The following SLC4A1AP variants were observed in gnomAD, a reference collection of about 807,000 sequenced individuals.
SLC4A1AP encodes the protein kanadaptin.
SLC4A1AP carries 64 observed loss-of-function variants against 89.7 expected under a neutral mutation model. The observed-to-expected ratio is 0.71, with a 90% confidence interval of 0.58 to 0.88. The LOEUF (loss-of-function observed/expected upper bound fraction) is 0.88, where lower values mean the gene tolerates loss of function less well. Ranked by LOEUF, SLC4A1AP falls within the 40% of genes least tolerant of loss-of-function variation. The pLI is 0.00. For synonymous variants in SLC4A1AP, 366 were observed against 353.3 expected (o/e 1.04, Z -0.40); for missense variants, 931 against 965.0 (o/e 0.96, Z 0.47).
At chr2:27,682,414 A>T in intron 9 of SLC4A1AP, 55 bp downstream of exon 9, 1 of 1,107,986 alleles carries the variant, frequency 9.0e-7, no homozygotes, top group Admixed American at 2.1e-5. Context: ...CCCTGAGCTA[A>T]TTTTTCTCTT....
At chr2:27,668,996 C>T in intron 4 of SLC4A1AP, 93 bp downstream of exon 4, 1 of 1,280,280 alleles carries the variant, frequency 7.8e-7, no homozygotes, top group Non-Finnish European at 1.1e-6. Flanking sequence ...GAGTAACTTT[C>T]ATCTAAGTTT....
intron 5 of SLC4A1AP, among the ~76,000 whole-genome samples, chr2:27,669,777 G>A (rs548044403): frequency 1.3e-5 from 2 of 152,162 alleles, no homozygotes; most frequent in South Asian, 2.1e-4. Context: ...TGCAACTTCC[G>A]TCTCCCAGGT....
At chr2:27,669,375 C>G in exon 5 of SLC4A1AP, 4 of 1,609,464 alleles carry the variant, frequency 2.5e-6, no homozygotes, top group Non-Finnish European at 2.5e-6. Context: ...GGGATTGCTT[C>G]GGCAGGAAGC....
intron 1 of SLC4A1AP, 79 bp downstream of exon 1, chr2:27,664,656 G>A (rs569080952): frequency 1.3e-5 from 15 of 1,117,572 alleles, no homozygotes; most frequent in Non-Finnish European, 1.9e-5. Flanking sequence ...GGATGAGGAA[G>A]AAGAATCTCC....
intron 3 of SLC4A1AP, among the ~76,000 whole-genome samples, chr2:27,668,440 G>A (rs554540080): frequency 6.6e-6 from 1 of 151,868 alleles, no homozygotes; most frequent in Non-Finnish European, 1.5e-5. Flanking sequence ...GTGAGCCACC[G>A]CGCCCAGCCA....
intron 10 of SLC4A1AP, among the ~76,000 whole-genome samples, chr2:27,686,390 T>A (rs1371729936): frequency 6.6e-6 from 1 of 152,338 alleles, no homozygotes; most frequent in South Asian, 2.1e-4. Flanking sequence ...AGTATCATAA[T>A]TTTTTTGTTT....
chr2:27,680,838 T>TAAA (rs766818052), intron 8 of SLC4A1AP, among the ~76,000 whole-genome samples: 2 of 128,266 alleles, frequency 1.6e-5, no homozygotes, highest in Non-Finnish European at 3.4e-5. Context: ...CAAGAAGAAT[T>TAAA]AAAAAAAAAA....
chr2:27,691,836 C>T (rs1675793203), intron 12 of SLC4A1AP: 1 of 152,144 alleles, frequency 6.6e-6, no homozygotes, highest in African/African-American at 2.4e-5. Context: ...GCGATCTGCC[C>T]ACCCCAGCCT....
At chr2:27,668,730 G>A (rs1241522666) in intron 3 of SLC4A1AP, 113 bp from the exon 4 acceptor site, 3 of 978,662 alleles carry the variant, frequency 3.1e-6, no homozygotes, top group East Asian at 4.8e-5. Context: ...GATTACAGGC[G>A]TGAGCCACTG....
chr2:27,663,967 G>T (rs1479711097), exon 1 of SLC4A1AP: 1 of 1,614,212 alleles, frequency 6.2e-7, no homozygotes, highest in Admixed American at 1.7e-5. Flanking sequence ...GACCTCAGTG[G>T]GGACTTCAAG....
Position 27,665,288 on chromosome 2 carries a change from G to A in SLC4A1AP, c.1014G>A (p.Trp338Ter). ...AAGATGATGAGATGGGTTGCACCTGGGGAATGGGTAAGAAATTAAAATTGC... is the reference window on the plus strand; with the variant it reads ...AAGATGATGAGATGGGTTGCACCTGAGGAATGGGTAAGAAATTAAAATTGC... The change falls in exon 2 of 14, where the codon TGG becomes TGA. Residue 338 changes from tryptophan to a stop codon, truncating the protein, a stop_gained. Transcript: ENST00000613058. LOFTEE classifies it high-confidence loss of function. 1 of 1,598,228 alleles carries A rather than the reference G, an allele frequency of 6.3e-7. No individual in the cohort carries two copies. The highest frequency in any genetic ancestry group is 8.5e-7 in the Non-Finnish European group (1 of 1,173,398).
At chr2:27,684,558 T>C (rs1179253045) in intron 9 of SLC4A1AP, among the ~76,000 whole-genome samples, 1 of 152,254 alleles carries the variant, frequency 6.6e-6, no homozygotes, top group Non-Finnish European at 1.5e-5. Context: ...CTTTATTCTT[T>C]GAGAAATGTC....
chr2:27,682,435 A>G, intron 9 of SLC4A1AP, 76 bp downstream of exon 9: 1 of 861,534 alleles, frequency 1.2e-6, no homozygotes, highest in South Asian at 1.6e-5. Flanking sequence ...TTCTTTTTTG[A>G]AACTACAAAT....
intron 12 of SLC4A1AP, chr2:27,691,479 C>T (rs1350977753): frequency 6.6e-6 from 1 of 151,900 alleles, no homozygotes; most frequent in Non-Finnish European, 1.5e-5. Flanking sequence ...TTTATCTTTT[C>T]AAAAACCACC....
Position 27,665,101 on chromosome 2 carries a change from G to T in SLC4A1AP, c.827G>T (p.Gly276Val), listed in dbSNP as rs754969300. ...ACCTTTTTTTCCTTGGTTCATCAGG[G>T]ACCAGAGGAAGACCGAGAGGCAGAA... is the stretch of plus-strand genomic sequence containing the variant. The change falls in exon 2 of 14, where the codon GGA becomes GTA. Residue 276 changes from glycine to valine, a missense_variant and splice_region_variant. Coordinates refer to ENST00000613058, the Ensembl canonical transcript of SLC4A1AP. 1.2e-4 allele frequency: 188 copies of T among 1,609,534 alleles called. No individual in the cohort carries two copies. The highest frequency in any genetic ancestry group is 1.5e-4 in the Non-Finnish European group (182 of 1,177,976).
chr2:27,663,968 G>C, exon 1 of SLC4A1AP: 1 of 1,614,180 alleles, frequency 6.2e-7, no homozygotes, highest in Non-Finnish European at 8.5e-7. Flanking sequence ...ACCTCAGTGG[G>C]GACTTCAAGA....
intron 5 of SLC4A1AP, among the ~76,000 whole-genome samples, chr2:27,670,014 C>T (rs1011045835): frequency 6.6e-6 from 1 of 152,222 alleles, no homozygotes; most frequent in Admixed American, 6.5e-5. Flanking sequence ...CAGGCATGCA[C>T]CACCATGCCT....
chr2:27,676,597 G>A (rs1367323525), intron 6 of SLC4A1AP, among the ~76,000 whole-genome samples: 2 of 151,672 alleles, frequency 1.3e-5, no homozygotes, highest in Non-Finnish European at 2.9e-5. Flanking sequence ...TGAGGCCGGT[G>A]GATCACCTGA....
intron 6 of SLC4A1AP, among the ~76,000 whole-genome samples, chr2:27,676,649 C>T (rs1675528290): frequency 6.6e-6 from 1 of 151,214 alleles, no homozygotes; most frequent in South Asian, 2.1e-4. Context: ...TGGTGAAACC[C>T]CACCTCTACT....
Sources: gnomAD v4.1 joint callset for allele counts (sites outside exome capture counted in the v4.1 genomes callset) on GRCh38, gnomAD v4.1.1 for gene constraint, MANE v1.5 for transcripts, NCBI Gene and HGNC (gene_info 2026-07-23, HGNC 2026-07-21) for gene names.